The following STK39 variants were observed in gnomAD, a reference collection of about 807,000 sequenced individuals.
The protein encoded by STK39 is serine/threonine kinase 39.
STK39 carries 20 observed loss-of-function variants against 77.8 expected under a neutral mutation model. The observed-to-expected ratio is 0.26, with a 90% CI of 0.18 to 0.37. The LOEUF is 0.37. Among genes scored for constraint, STK39 ranks in the 10% least tolerant of loss-of-function variants. The probability of loss-of-function intolerance (pLI) is 1.00; values close to 1 mark genes in which losing one functional copy is unlikely to be tolerated. For synonymous variants in STK39, 246 were observed against 234.1 expected (o/e 1.05, Z -0.47); for missense variants, 479 against 656.5 (o/e 0.73, Z 2.95).
intron 8 of STK39, among the ~76,000 whole-genome samples, chr2:168,136,367 CAAAAA>C (rs775507627): frequency 8.6e-4 from 56 of 64,854 alleles, no homozygotes; most frequent in African/African-American, 2.7e-3. Flanking sequence ...GACTCCGTCT[CAAAAA>C]AAAAAAAAAA....
At chr2:168,212,352 CTAACCT>C (rs1689911926) in intron 1 of STK39, among the ~76,000 whole-genome samples, 1 of 152,070 alleles carries the variant, frequency 6.6e-6, no homozygotes, top group Non-Finnish European at 1.5e-5. Context: ...GACTTCCTCC[CTAACCT>C]TAAGTACAGA....
intron 16 of STK39, among the ~76,000 whole-genome samples, chr2:167,989,484 T>C (rs1683643521): frequency 1.3e-5 from 2 of 152,102 alleles, no homozygotes; most frequent in East Asian, 1.9e-4. Context: ...ATAAATGAAA[T>C]CAAGATTTTA....
At chr2:168,095,621 TTC>T (rs1261136099) in intron 10 of STK39, among the ~76,000 whole-genome samples, 8 of 80,660 alleles carry the variant, frequency 9.9e-5, no homozygotes, top group African/African-American at 2.8e-4. Context: ...GTGTATCTCT[TTC>T]TTTTTTTTTT....
chr2:168,021,665 G>A (rs1335313831), intron 14 of STK39, among the ~76,000 whole-genome samples: 3 of 152,048 alleles, frequency 2.0e-5, no homozygotes, highest in Non-Finnish European at 4.4e-5. Context: ...GGCTGCCTTT[G>A]ATAATTTTTA....
At chr2:168,132,559 T>C (rs1687726425) in intron 8 of STK39, among the ~76,000 whole-genome samples, 1 of 152,178 alleles carries the variant, frequency 6.6e-6, no homozygotes. Flanking sequence ...TCTCTTGATC[T>C]TTCGTGACAA....
At chr2:167,984,033 G>A (rs545545778) in intron 16 of STK39, among the ~76,000 whole-genome samples, 1 of 152,248 alleles carries the variant, frequency 6.6e-6, no homozygotes, top group African/African-American at 2.4e-5. Context: ...CATGGTGAGT[G>A]GTTGCATAGG....
At chr2:168,008,573 A>C (rs1042342386) in intron 16 of STK39, among the ~76,000 whole-genome samples, 2 of 152,208 alleles carry the variant, frequency 1.3e-5, no homozygotes, top group Non-Finnish European at 2.9e-5. Context: ...GGAATTCAAA[A>C]TAAAAGTCTG....
At chr2:168,065,281 A>C in intron 13 of STK39, 38 bp downstream of exon 13, 1 of 1,610,220 alleles carries the variant, frequency 6.2e-7, no homozygotes, top group Non-Finnish European at 8.5e-7. Context: ...ATCTGTCTAC[A>C]AAGCACCTCA....
At chr2:168,165,882 G>A (rs1343925818) in intron 3 of STK39, among the ~76,000 whole-genome samples, 2 of 152,150 alleles carry the variant, frequency 1.3e-5, no homozygotes, top group Non-Finnish European at 2.9e-5. Context: ...GGGTTGTCCA[G>A]GCACAGCAAA....
intron 16 of STK39, among the ~76,000 whole-genome samples, chr2:167,973,192 T>C (rs1470341370): frequency 6.6e-6 from 1 of 152,262 alleles, no homozygotes; most frequent in Non-Finnish European, 1.5e-5. Flanking sequence ...CATGTAACTT[T>C]AGTAATCTTT....
chr2:168,000,379 A>G (rs12328946), intron 16 of STK39, among the ~76,000 whole-genome samples: 3 of 152,154 alleles, frequency 2.0e-5, no homozygotes, highest in Non-Finnish European at 4.4e-5. Flanking sequence ...TCTTTTTAAA[A>G]GAAATCCTGA....
At chr2:168,080,720 G>C (rs774796135) in intron 10 of STK39, among the ~76,000 whole-genome samples, 2 of 152,158 alleles carry the variant, frequency 1.3e-5, no homozygotes, top group Non-Finnish European at 2.9e-5. Context: ...CCCCTCACAG[G>C]GCTGGAAGTT....
chr2:168,170,427 T>C (rs1158476064), intron 2 of STK39, among the ~76,000 whole-genome samples: 2 of 152,242 alleles, frequency 1.3e-5, no homozygotes, highest in Non-Finnish European at 2.9e-5. Flanking sequence ...TCTAACATCC[T>C]ATTCTCTTAA....
intron 5 of STK39, among the ~76,000 whole-genome samples, chr2:168,148,443 A>T (rs1688197672): frequency 1.3e-5 from 2 of 152,216 alleles, no homozygotes; most frequent in Non-Finnish European, 2.9e-5. Context: ...CAAAGGAGGC[A>T]GAGGGATAAC....
rs193236091 is a variant in STK39, at chr2:168,194,475, C to T, written c.209-12385G>A. Reference sequence around the variant, plus strand: ...AAACAAAAATGAAGATTCAACATTCCCTCTATCTCATAACATGTAAGTTTA... The same window carrying T: ...AAACAAAAATGAAGATTCAACATTCTCTCTATCTCATAACATGTAAGTTTA... On this transcript the variant is annotated intron_variant, in intron 1 of 17. Transcript: ENST00000355999. Among the ~76,000 whole-genome samples, 7 of 151,968 alleles carry T rather than the reference C, an allele frequency of 4.6e-5. No homozygotes were observed. In the South Asian group the frequency reaches 1.2e-3, roughly 27 times the overall value.
intron 1 of STK39, among the ~76,000 whole-genome samples, chr2:168,235,613 C>T (rs1439116310): frequency 1.8e-5 from 2 of 109,008 alleles, no homozygotes; most frequent in African/African-American, 6.8e-5. Flanking sequence ...CCTCCCCCCA[C>T]CCCACAACAG....
At chr2:168,024,710 A>T (rs1326005795) in intron 14 of STK39, among the ~76,000 whole-genome samples, 2 of 152,214 alleles carry the variant, frequency 1.3e-5, no homozygotes, top group Non-Finnish European at 2.9e-5. Context: ...ATGGACTAAG[A>T]CAACAGCATT....
intron 10 of STK39, among the ~76,000 whole-genome samples, chr2:168,127,132 A>G (rs1436060171): frequency 1.3e-5 from 2 of 152,254 alleles, no homozygotes; most frequent in East Asian, 3.9e-4. Context: ...CTAATATGTA[A>G]TAAGTTTTTT....
chr2:168,179,830 G>A (rs183407065), intron 2 of STK39, among the ~76,000 whole-genome samples: 1 of 152,180 alleles, frequency 6.6e-6, no homozygotes, highest in African/African-American at 2.4e-5. Context: ...AAGCTTACAC[G>A]GTTACCATCA....
Sources: allele counts gnomAD v4.1 joint callset (sites outside exome capture counted in the v4.1 genomes callset), GRCh38; gene constraint gnomAD v4.1.1; transcripts MANE v1.5; gene names NCBI Gene and HGNC (gene_info 2026-07-23, HGNC 2026-07-21).